The following ADGRA3 variants were observed in gnomAD, a reference collection of about 807,000 sequenced individuals.
The protein encoded by ADGRA3 is adhesion G protein-coupled receptor A3, also known as G-protein coupled receptor 125.
In ADGRA3, 56 loss-of-function variants were observed where a neutral mutation model predicts 119.8. The ratio of observed to expected loss-of-function variants is 0.47; its 90% CI spans 0.38 to 0.58. The LOEUF (loss-of-function observed/expected upper bound fraction) is 0.58, where lower values mean the gene tolerates loss of function less well. Ranked by LOEUF, ADGRA3 falls within the 20% of genes least tolerant of loss-of-function variation. The probability of loss-of-function intolerance (pLI) is 0.00; values close to 1 mark genes in which losing one functional copy is unlikely to be tolerated. For synonymous variants in ADGRA3, 607 were observed against 623.8 expected (o/e 0.97, Z 0.40); for missense variants, 1,516 against 1,649.0 (o/e 0.92, Z 1.40).
intron 14 of ADGRA3, among the ~76,000 whole-genome samples, chr4:22,407,617 A>G (rs951919881): frequency 1.3e-5 from 2 of 152,194 alleles, no homozygotes; most frequent in East Asian, 3.9e-4. Context: ...CTCAGTACAA[A>G]CTTTAATAAC....
chr4:22,402,393 T>C (rs1714703200), intron 15 of ADGRA3, among the ~76,000 whole-genome samples: 1 of 152,126 alleles, frequency 6.6e-6, no homozygotes, highest in Non-Finnish European at 1.5e-5. Flanking sequence ...CTATTGCGCC[T>C]GTGACCCGCC....
chr4:22,481,811 T>G (rs1718269899), intron 1 of ADGRA3, among the ~76,000 whole-genome samples: 1 of 152,214 alleles, frequency 6.6e-6, no homozygotes, highest in African/African-American at 2.4e-5. Context: ...AGAAAAAGTT[T>G]GCCAACTTCT....
chr4:22,438,489 C>G (rs1716484933), intron 7 of ADGRA3, 69 bp from the exon 8 acceptor site: 6 of 1,220,676 alleles, frequency 4.9e-6, no homozygotes, highest in Non-Finnish European at 6.9e-6. Flanking sequence ...TAATGGGTCT[C>G]AATCATTAAT....
intron 4 of ADGRA3, among the ~76,000 whole-genome samples, chr4:22,449,024 A>G (rs1716930629): frequency 6.6e-6 from 1 of 152,014 alleles, no homozygotes; most frequent in East Asian, 2.0e-4. Context: ...AATCTCAGCA[A>G]TTTGGGAGGG....
At chr4:22,410,609 T>G (rs1415957968) in intron 14 of ADGRA3, among the ~76,000 whole-genome samples, 1 of 152,134 alleles carries the variant, frequency 6.6e-6, no homozygotes, top group Non-Finnish European at 1.5e-5. Flanking sequence ...TCAAGAGACA[T>G]AGGATTTTAT....
chr4:22,407,517 C>T (rs1714990588), intron 14 of ADGRA3, among the ~76,000 whole-genome samples: 1 of 152,044 alleles, frequency 6.6e-6, no homozygotes, highest in South Asian at 2.1e-4. Flanking sequence ...ATTTGCAACA[C>T]AGTAATAAAT....
intron 1 of ADGRA3, among the ~76,000 whole-genome samples, chr4:22,507,587 T>G (rs1410944268): frequency 1.3e-5 from 2 of 152,228 alleles, no homozygotes; most frequent in African/African-American, 4.8e-5. Flanking sequence ...CATATTCGTT[T>G]GTTTTGGGAC....
chr4:22,489,446 A>T (rs1176784547), intron 1 of ADGRA3, among the ~76,000 whole-genome samples: 2 of 152,178 alleles, frequency 1.3e-5, no homozygotes, highest in African/African-American at 4.8e-5. Flanking sequence ...TAAATTGTAC[A>T]CTAATAGTTA....
chr4:22,436,762 G>T, intron 8 of ADGRA3, 121 bp from the exon 9 acceptor site: 1 of 796,202 alleles, frequency 1.3e-6, no homozygotes, highest in Non-Finnish European at 2.0e-6. Context: ...CCTGACACGG[G>T]TCATCAAAAC....
chr4:22,468,781 AAGAT>A (rs1399328759), intron 2 of ADGRA3, among the ~76,000 whole-genome samples: 4 of 151,854 alleles, frequency 2.6e-5, no homozygotes, highest in Admixed American at 6.6e-5. Context: ...AAAAAAAAAA[AAGAT>A]AGAGATGGAA....
chr4:22,402,488 T>G (rs146383085), intron 15 of ADGRA3, among the ~76,000 whole-genome samples, 187 bp downstream of exon 15: 1 of 152,248 alleles, frequency 6.6e-6, no homozygotes, highest in South Asian at 2.1e-4. Context: ...ACAGAATTTA[T>G]CATCTCAAAT....
intron 12 of ADGRA3, chr4:22,414,691 T>C (rs997231859): frequency 8.4e-5 from 55 of 655,762 alleles, no homozygotes; most frequent in Non-Finnish European, 1.4e-4. Flanking sequence ...AAATCCTAAG[T>C]TCACCATATA....
intron 1 of ADGRA3, among the ~76,000 whole-genome samples, chr4:22,490,892 C>G (rs180919601): frequency 1.3e-5 from 2 of 152,104 alleles, no homozygotes; most frequent in African/African-American, 4.8e-5. Context: ...CTCTGTAGGT[C>G]GGAAGTCCAG....
chr4:22,493,872 G>A (rs1376751166), intron 1 of ADGRA3, among the ~76,000 whole-genome samples: 1 of 152,178 alleles, frequency 6.6e-6, no homozygotes, highest in African/African-American at 2.4e-5. Flanking sequence ...CAGTAAAAAA[G>A]CCAGCCAAAA....
At chr4:22,406,804 C>T (rs535445552) in intron 14 of ADGRA3, among the ~76,000 whole-genome samples, 5 of 152,138 alleles carry the variant, frequency 3.3e-5, no homozygotes, top group African/African-American at 1.2e-4. Context: ...ACATTGTAGA[C>T]TTTGGGGGCC....
rs116788215 is a variant in ADGRA3 at position 22,439,069 on chromosome 4, A to G, written c.921-649T>C. Among the ~76,000 whole-genome samples, 519 of 152,288 alleles carry G rather than the reference A, an allele frequency of 3.4e-3. 1 individual carries two copies. The highest frequency in any genetic ancestry group is 0.012 in the African/African-American group (489 of 41,556). On this transcript the variant is annotated intron_variant, in intron 7 of 18. Transcript: ENST00000334304. The stretch of plus-strand genomic sequence containing the variant: ...AACATCGTCGTACATTCTTTAGCAA[A>G]ACTTAGAGAAGTTTCCAAGTCACAT...
At chr4:22,394,144 A>C (rs2108996808) in intron 16 of ADGRA3, 1 of 152,208 alleles carries the variant, frequency 6.6e-6, no homozygotes, top group East Asian at 1.9e-4. Context: ...CCAAGAAAAA[A>C]TCTGTCATTC....
chr4:22,483,231 C>T (rs1389117772), intron 1 of ADGRA3, among the ~76,000 whole-genome samples: 1 of 152,130 alleles, frequency 6.6e-6, no homozygotes, highest in Non-Finnish European at 1.5e-5. Context: ...TCTTTAACTC[C>T]TAGCTCCACT....
Position 22,447,488 on chromosome 4 carries a change from G to A in ADGRA3, c.497C>T (p.Ser166Phe). 6.4e-7 allele frequency: 1 copy of A among 1,573,946 alleles called. No individual in the cohort carries two copies. ...VRLNLSGNLF[S>F]SLSQGTFDYL... ...ATCAAAAGTTCCTTGAGATAATGAA[G>A]AAAACAAATTCCCCGAAAGGTTTCT... The change falls in exon 5 of 19, where the codon TCT becomes TTT. Residue 166 changes from serine (S) to phenylalanine (F), a missense_variant. By Grantham distance (155) the Ser-to-Phe change is radical. Coordinates refer to ENST00000334304, the MANE Select transcript of ADGRA3 (RefSeq NM_145290.4).
Sources: allele counts gnomAD v4.1 joint callset (sites outside exome capture counted in the v4.1 genomes callset), GRCh38; gene constraint gnomAD v4.1.1; transcripts MANE v1.5; gene names NCBI Gene and HGNC (gene_info 2026-07-23, HGNC 2026-07-21).